PRDM16: variants seen among roughly 807,000 people sequenced by gnomAD.
The protein encoded by PRDM16 is histone-lysine N-methyltransferase PRDM16.
A neutral mutation model predicts 110.6 loss-of-function variants in PRDM16; 23 were observed. That is an observed-to-expected ratio of 0.21 (90% confidence interval 0.15 to 0.29). The LOEUF is 0.29. Ranked by LOEUF, PRDM16 falls within the 10% of genes least tolerant of loss-of-function variation. The pLI is 1.00. For missense variants in PRDM16, 1,615 were observed against 1,794.3 expected (o/e 0.90, Z 1.81); for synonymous variants, 799 against 781.8 (o/e 1.02, Z -0.37).
intron 3 of PRDM16, among the ~76,000 whole-genome samples, chr1:3,277,259 A>C (rs1434885475): frequency 2.6e-5 from 4 of 152,152 alleles, no homozygotes; most frequent in African/African-American, 7.2e-5. Flanking sequence ...TGGATCTTGC[A>C]AACAGTCGAG....
intron 1 of PRDM16, among the ~76,000 whole-genome samples, chr1:3,106,205 C>A (rs1204613187): frequency 4.6e-5 from 7 of 152,246 alleles, no homozygotes; most frequent in South Asian, 2.1e-4. Context: ...AAGAGAGCAG[C>A]CCTGGTGAGC....
At position 3,350,450 on chromosome 1, in the gene PRDM16, G is replaced by A. The variant is rs569598873; in HGVS notation, c.439-34702G>A. On this transcript the variant is annotated intron_variant, in intron 3 of 16. Coordinates refer to ENST00000270722, the MANE Select transcript of PRDM16 (RefSeq NM_022114.4). The surrounding 1 kb of genome is among the most constrained non-coding windows in gnomAD (Gnocchi z 7.1). Reference sequence around the variant, plus strand: ...CTACTGCTCCGTCTGTGCAGCCTGGGGCTGCAGTCAGGGTCAGGTTTGGTG... The same window carrying A: ...CTACTGCTCCGTCTGTGCAGCCTGGAGCTGCAGTCAGGGTCAGGTTTGGTG... Among the ~76,000 whole-genome samples, 1 of 152,304 alleles carries A rather than the reference G, an allele frequency of 6.6e-6. No homozygotes were observed. The highest frequency in any genetic ancestry group is 2.1e-4 in the South Asian group (1 of 4,822).
At chr1:3,387,564 C>T (rs4648491) in intron 4 of PRDM16, among the ~76,000 whole-genome samples, 29,787 of 152,104 alleles carry the variant, frequency 0.2, 3,303 homozygotes, top group East Asian at 0.37. Flanking sequence ...CAGCCGGTGA[C>T]GTCGGGTGTT....
At chr1:3,142,424 C>T (rs887577265) in intron 1 of PRDM16, among the ~76,000 whole-genome samples, 2 of 152,152 alleles carry the variant, frequency 1.3e-5, no homozygotes, top group African/African-American at 4.8e-5. Context: ...CATGGCCCGA[C>T]AGTGTGGTCC....
In PRDM16 at chr1:3,181,014, A is replaced by G. The variant is rs550567899; in HGVS notation, c.38-5111A>G. Among the ~76,000 whole-genome samples the G allele has an allele frequency of 1.8e-3, 269 of 145,690 alleles. 4 individuals carry two copies. Among genetic ancestry groups the G allele is most frequent in the African/African-American group, 6.4e-3 (255 of 39,910 alleles). ...TACACACGATCTTACACGCGGTCTT[A>G]CAAATGCGGTCTTACACGCGGTCTT... On this transcript the variant is annotated intron_variant, in intron 1 of 16. Coordinates refer to ENST00000270722, the MANE Select transcript of PRDM16 (RefSeq NM_022114.4).
Position 3,153,312 on chromosome 1 carries a change from C to T in PRDM16, c.38-32813C>T, listed in dbSNP as rs547811761. On this transcript the variant is annotated intron_variant, in intron 1 of 16. Coordinates refer to ENST00000270722, the MANE Select transcript of PRDM16 (RefSeq NM_022114.4). Reference sequence around the variant, plus strand: ...GGGCCTGGGGAGCTAAAGCAGGCCCCGGAGCCCTGGGCTGGGTGTGCACAT... The same window carrying T: ...GGGCCTGGGGAGCTAAAGCAGGCCCTGGAGCCCTGGGCTGGGTGTGCACAT... Among the ~76,000 whole-genome samples the T allele has an allele frequency of 1.4e-4, 22 of 152,318 alleles. 1 individual carries two copies. Among genetic ancestry groups the T allele is most frequent in the African/African-American group, 4.1e-4 (17 of 41,572 alleles).
At chr1:3,328,226 G>T (rs539167746) in intron 3 of PRDM16, among the ~76,000 whole-genome samples, 13 of 152,374 alleles carry the variant, frequency 8.5e-5, no homozygotes, top group African/African-American at 3.1e-4. Flanking sequence ...GTGACTGAGG[G>T]ACTTGTTCCC....
rs544781073 is a variant in PRDM16 at position 3,246,494 on chromosome 1, G to A, written c.438+2357G>A. Among the ~76,000 whole-genome samples the A allele has an allele frequency of 9.9e-5, 15 of 152,278 alleles. No homozygotes were observed. In the South Asian group the frequency reaches 1.0e-3, roughly 11 times the overall value. On this transcript the variant is annotated intron_variant, in intron 3 of 16. Coordinates refer to ENST00000270722, the MANE Select transcript of PRDM16 (RefSeq NM_022114.4). The surrounding 1 kb of genome is among the most constrained non-coding windows in gnomAD (Gnocchi z 5.2). Reference sequence around the variant, plus strand: ...GCCAGCATCGGGGGCGTTGGTGGGCGGTCCTGTCCAAGCAGGCCTCCTGAC... The same window carrying A: ...GCCAGCATCGGGGGCGTTGGTGGGCAGTCCTGTCCAAGCAGGCCTCCTGAC...
rs528705379 is a variant in PRDM16, at chr1:3,258,286, G to A, written c.438+14149G>A. ...CCTCTTCTCATCTGTTATCTATGGG[G>A]GGGATATTGTGAGGATAACAAATTG... is the stretch of plus-strand genomic sequence containing the variant. On this transcript the variant is annotated intron_variant, in intron 3 of 16. Coordinates refer to ENST00000270722, the MANE Select transcript of PRDM16 (RefSeq NM_022114.4). Among the ~76,000 whole-genome samples the A allele has an allele frequency of 1.1e-4, 16 of 152,316 alleles. 1 individual carries two copies. The highest frequency in any genetic ancestry group is 8.5e-4 in the Admixed American group (13 of 15,298).
At chr1:3,317,259 G>T (rs1167755313) in intron 3 of PRDM16, among the ~76,000 whole-genome samples, 1 of 152,166 alleles carries the variant, frequency 6.6e-6, no homozygotes, top group Non-Finnish European at 1.5e-5. Flanking sequence ...CTAAACAAGG[G>T]ACCTTGGAGA....
At chr1:3,385,721 G>A (rs1643183703) in intron 4 of PRDM16, among the ~76,000 whole-genome samples, 1 of 152,216 alleles carries the variant, frequency 6.6e-6, no homozygotes, top group South Asian at 2.1e-4. Flanking sequence ...GTCCGCACCG[G>A]CCAATGAGGC....
chr1:3,089,083 G>A (rs1397734262), intron 1 of PRDM16, among the ~76,000 whole-genome samples: 5 of 152,182 alleles, frequency 3.3e-5, no homozygotes, highest in East Asian at 1.9e-4. Context: ...GCGCCAGTCC[G>A]AGATGCAGGG....
intron 3 of PRDM16, among the ~76,000 whole-genome samples, chr1:3,273,481 C>T (rs1323177464): frequency 6.6e-6 from 1 of 151,556 alleles, no homozygotes; most frequent in Non-Finnish European, 1.5e-5. Context: ...TGTGTGTGCA[C>T]ATGCATATAT....
intron 1 of PRDM16, among the ~76,000 whole-genome samples, chr1:3,070,312 C>A (rs1210045848): frequency 6.7e-6 from 1 of 148,778 alleles, no homozygotes; most frequent in Non-Finnish European, 1.5e-5. Flanking sequence ...GCCACCCGCG[C>A]CCTCGCCCGC....
chr1:3,146,925 T>A, intron 1 of PRDM16, among the ~76,000 whole-genome samples: 1 of 80,626 alleles, frequency 1.2e-5, no homozygotes, highest in African/African-American at 5.1e-5. Flanking sequence ...GGGGGGTGTG[T>A]GTGCACGTGT....
At chr1:3,418,368 C>T (rs935022837) in intron 11 of PRDM16, among the ~76,000 whole-genome samples, 1 of 152,220 alleles carries the variant, frequency 6.6e-6, no homozygotes, top group Non-Finnish European at 1.5e-5. Context: ...CGGCCACCCT[C>T]TGCTGGTGCA....
At chr1:3,072,040 G>A (rs930935642) in intron 1 of PRDM16, among the ~76,000 whole-genome samples, 15 of 152,172 alleles carry the variant, frequency 9.9e-5, no homozygotes, top group Non-Finnish European at 1.8e-4. Flanking sequence ...CACCCAAGCC[G>A]GGGCTGTGGC....
At chr1:3,083,592 TG>T (rs1159177749) in intron 1 of PRDM16, among the ~76,000 whole-genome samples, 1 of 29,702 alleles carries the variant, frequency 3.4e-5, no homozygotes, top group African/African-American at 7.6e-5. Context: ...CAGCGCCTGC[TG>T]TCAGGGGAGG....
intron 2 of PRDM16, among the ~76,000 whole-genome samples, chr1:3,215,746 G>A (rs989545334): frequency 4.1e-4 from 63 of 152,112 alleles, no homozygotes; most frequent in African/African-American, 1.4e-3. Context: ...CTCCTCGGGT[G>A]CCCCCACGTC....
Sources: allele counts gnomAD v4.1 joint callset (sites outside exome capture counted in the v4.1 genomes callset), GRCh38; gene constraint gnomAD v4.1.1; non-coding constraint Gnocchi (gnomAD v3.1); transcripts MANE v1.5; gene names NCBI Gene and HGNC (gene_info 2026-07-23, HGNC 2026-07-21).